The following KARS1 variants were observed in gnomAD, a reference collection of about 807,000 sequenced individuals.
The protein encoded by KARS1 is lysyl-tRNA synthetase 1, also known as lysine--tRNA ligase.
In KARS1, 50 loss-of-function variants were observed where a neutral mutation model predicts 63.9. The observed-to-expected ratio is 0.78, with a 90% CI of 0.62 to 0.99. KARS1 has a LOEUF of 0.99. Among genes scored for constraint, KARS1 ranks in the 50% least tolerant of loss-of-function variants. The pLI is 0.00. For missense variants in KARS1, 816 were observed against 754.5 expected, an observed-to-expected ratio of 1.08 and a Z score of -0.95; for synonymous variants, 320 against 264.6, an observed-to-expected ratio of 1.21 and a Z score of -2.03.
chr16:75,630,297 T>A, intron 11 of KARS1, 126 bp downstream of exon 11: 1 of 683,268 alleles, frequency 1.5e-6, no homozygotes, highest in South Asian at 1.5e-5. Flanking sequence ...AAAAGCCACT[T>A]GGGTTACCCT....
intron 7 of KARS1, among the ~76,000 whole-genome samples, chr16:75,633,193 C>T (rs2082130541): frequency 6.6e-6 from 1 of 152,196 alleles, no homozygotes; most frequent in African/African-American, 2.4e-5. Context: ...GGAGTGAGAG[C>T]TGCTCAGGGT....
intron 6 of KARS1, 125 bp downstream of exon 6, chr16:75,635,555 G>A: frequency 9.2e-7 from 1 of 1,086,106 alleles, no homozygotes; most frequent in Non-Finnish European, 1.4e-6. Flanking sequence ...GGCAAGAAAA[G>A]GGGACATTCT....
rs1042000272 is a variant in KARS1 at position 75,636,453 on chromosome 16, C to G, written c.482+1G>C. 6.3e-6 allele frequency: 10 copies of G among 1,596,204 alleles called. No individual in the cohort carries two copies. Among genetic ancestry groups the G allele is most frequent in the Non-Finnish European group, 8.6e-6 (10 of 1,163,854 alleles). ...GTCTATAACTGGGTATTTCGAGATA[C>G]CTGGAATTGGCCATGACTTGCAACT... On this transcript the variant is annotated splice_donor_variant, in intron 4 of 13. Transcript: ENST00000302445. LOFTEE classifies it high-confidence loss of function.
intron 3 of KARS1, among the ~76,000 whole-genome samples, chr16:75,637,239 G>A (rs867208878): frequency 2.0e-5 from 3 of 151,946 alleles, no homozygotes; most frequent in South Asian, 2.1e-4. Context: ...GTGGGAAGAC[G>A]TTGCCAAGGA....
Position 75,627,747 on chromosome 16 carries a change from G to T in KARS1, c.*148C>A, listed in dbSNP as rs2082066599. The stretch of plus-strand genomic sequence containing the variant: ...GCTTATTTGGTAACAGGATTAAAAA[G>T]AAATTTTTAATTCCTTGTCTCTCTT... On this transcript the variant is annotated 3_prime_UTR_variant, in exon 14 of 14. Transcript: ENST00000302445. 1.5e-6 allele frequency: 1 copy of T among 676,898 alleles called. No individual in the cohort carries two copies. Among genetic ancestry groups the T allele is most frequent in the Admixed American group, 2.3e-5 (1 of 44,442 alleles). The allele number at this position is 676,898 out of a possible 1,614,324, so 41.9% of individuals were successfully genotyped here.
At chr16:75,642,390 C>G (rs374397128) in intron 1 of KARS1, among the ~76,000 whole-genome samples, 1 of 151,716 alleles carries the variant, frequency 6.6e-6, no homozygotes, top group Non-Finnish European at 1.5e-5. Context: ...TTTAGTGAGA[C>G]GAGGTTTCAC....
In KARS1 at chr16:75,643,409, G is replaced by A. The variant is rs942639251; in HGVS notation, c.63-1686C>T. 1.0e-4 allele frequency among the ~76,000 whole-genome samples: 15 copies of A among 146,432 alleles called. No homozygotes were observed. The East Asian group carries it at 2.4e-3, about 23-fold the overall frequency. On this transcript the variant is annotated intron_variant, in intron 1 of 13. Coordinates refer to ENST00000302445, the MANE Select transcript of KARS1 (RefSeq NM_005548.3). ...TTTTTTTTTTTTGAGACAGAGTCTCGCTGTGTTGCCCAGGCTGGAGTGCAG... is the reference window on the plus strand; with the variant it reads ...TTTTTTTTTTTTGAGACAGAGTCTCACTGTGTTGCCCAGGCTGGAGTGCAG...
At chr16:75,643,678 C>A (rs60376290) in intron 1 of KARS1, among the ~76,000 whole-genome samples, 18,390 of 152,112 alleles carry the variant, frequency 0.12, 2,316 homozygotes, top group African/African-American at 0.32. Context: ...CACGCCTGGC[C>A]GAATCTTTCA....
rs1405725499 is a variant in KARS1, at chr16:75,627,810, C to G, written c.*85G>C. ...CAGAACTGCGGTGTCAAATGGAAAG[C>G]AGCACACAAGAATTCCCTTGCAGAC... On this transcript the variant is annotated 3_prime_UTR_variant, in exon 14 of 14. Coordinates refer to ENST00000302445, the MANE Select transcript of KARS1 (RefSeq NM_005548.3). 1 of 818,844 alleles carries G rather than the reference C, an allele frequency of 1.2e-6. No individual in the cohort carries two copies. Among genetic ancestry groups the G allele is most frequent in the Non-Finnish European group, 2.2e-6 (1 of 455,362 alleles). The allele number at this position is 818,844 out of a possible 1,614,324, so 50.7% of individuals were successfully genotyped here. A position where few individuals can be genotyped will look rare whatever the true frequency, so the allele number is the denominator to read the frequency against.
intron 1 of KARS1, among the ~76,000 whole-genome samples, chr16:75,642,347 T>C (rs1257809040): frequency 2.0e-5 from 3 of 151,902 alleles, no homozygotes; most frequent in Non-Finnish European, 4.4e-5. Flanking sequence ...GGATTACAGG[T>C]GTGTACCACC....
At position 75,631,868 on chromosome 16, in the gene KARS1, C is replaced by T. The variant is rs1485914432; in HGVS notation, c.916-13G>A. On this transcript the variant is annotated splice_polypyrimidine_tract_variant and intron_variant, in intron 7 of 13. Coordinates refer to ENST00000302445, the MANE Select transcript of KARS1 (RefSeq NM_005548.3). ...CAACCACAAGCATCTAACAACAACA[C>T]ATGGCCACGGTCATGACAGCTAATC... 6.2e-7 allele frequency: 1 copy of T among 1,613,748 alleles called. No individual in the cohort carries two copies. Among genetic ancestry groups the T allele is most frequent in the Admixed American group, 1.7e-5 (1 of 60,008 alleles).
chr16:75,641,663 T>C lies in KARS1; in HGVS notation c.123A>G (p.Lys41=), dbSNP rs11557668. ...KKVAEKEAKQ[K]ELSEKQLSQA... Reference sequence around the variant, plus strand: ...GGCTTAGCTGTTTCTCACTGAGCTCTTTCTGTTTGGCCTCCTTCTCTGCTA... The same window carrying C: ...GGCTTAGCTGTTTCTCACTGAGCTCCTTCTGTTTGGCCTCCTTCTCTGCTA... Residue 41 remains lysine (K), a synonymous_variant, in exon 2 of 14, where the codon AAA becomes AAG. Coordinates refer to ENST00000302445, the MANE Select transcript of KARS1 (RefSeq NM_005548.3). 1.6e-4 allele frequency: 259 copies of C among 1,613,890 alleles called. No homozygotes were observed. The highest frequency in any genetic ancestry group is 2.1e-4 in the Non-Finnish European group (247 of 1,179,996).
Position 75,634,242 on chromosome 16 carries a change from A to G in KARS1, c.846T>C (p.Pro282=). 6.2e-7 allele frequency: 1 copy of G among 1,614,082 alleles called. No individual in the cohort carries two copies. Among genetic ancestry groups the G allele is most frequent in the Non-Finnish European group, 8.5e-7 (1 of 1,179,932 alleles). Residue 282 remains proline (P), a synonymous_variant, in exon 7 of 14, where the codon CCT becomes CCC. Transcript: ENST00000302445. ...CCAGCTCGTTGTGATAAGTGATGAA[A>G]GGCTTGGCCACGGCTCCCCCTGGGA... ...NIIPGGAVAK[P]FITYHNELDM...
Position 75,641,624 on chromosome 16 carries a change from A to G in KARS1, c.162T>C (p.Ala54=), listed in dbSNP as rs761658967. 2.7e-5 allele frequency: 43 copies of G among 1,613,914 alleles called. No homozygotes were observed. The Admixed American group carries it at 7.2e-4, about 27-fold the overall frequency. ...SEKQLSQATA[A]ATNHTTDNGV... is the part of the protein sequence containing the mutation. ...CATTATCAGTGGTGTGGTTGGTGGC[A>G]GCAGCAGTGGCTTGGCTTAGCTGTT... Residue 54 remains alanine, a synonymous_variant, in exon 2 of 14, where the codon GCT becomes GCC. Coordinates refer to ENST00000302445, the MANE Select transcript of KARS1 (RefSeq NM_005548.3).
chr16:75,628,007 G>C lies in KARS1; in HGVS notation c.1696-14C>G. 1 of 1,471,904 alleles carries C rather than the reference G, an allele frequency of 6.8e-7. No individual in the cohort carries two copies. Among genetic ancestry groups the C allele is most frequent in the South Asian group, 1.1e-5 (1 of 88,228 alleles). The allele number at this position is 1,471,904 out of a possible 1,614,324, so 91.2% of individuals were successfully genotyped here. On this transcript the variant is annotated splice_polypyrimidine_tract_variant and intron_variant, in intron 13 of 13. Coordinates refer to ENST00000302445, the MANE Select transcript of KARS1 (RefSeq NM_005548.3). ...CAGAAGTACTTCCTGTGGGAGATAA[G>C]AATGTACCTTGAAGCTGAGAAGCAC...
At chr16:75,633,310 C>T (rs187144815) in intron 7 of KARS1, among the ~76,000 whole-genome samples, 205 of 152,254 alleles carry the variant, frequency 1.3e-3, no homozygotes, top group African/African-American at 4.5e-3. Context: ...ATTCATCCAT[C>T]GTTTAGGTCA....
chr16:75,644,186 C>G, intron 1 of KARS1: 2 of 1,102,352 alleles, frequency 1.8e-6, no homozygotes, highest in Non-Finnish European at 2.6e-6. Flanking sequence ...TCCTTAGCAA[C>G]AAGTCCAAAG....
At chr16:75,638,157 CACCCCTCTAGACA>C (rs2082184234) in intron 3 of KARS1, among the ~76,000 whole-genome samples, 1 of 151,610 alleles carries the variant, frequency 6.6e-6, no homozygotes, top group Non-Finnish European at 1.5e-5. Context: ...AGGAGAATAA[CACCCCTCTAGACA>C]AAATAAAAGC....
Position 75,631,212 on chromosome 16 carries a change from C to A in KARS1, c.1294G>T (p.Val432Phe). 6.2e-7 allele frequency: 1 copy of A among 1,614,130 alleles called. No individual in the cohort carries two copies. The highest frequency in any genetic ancestry group is 8.5e-7 in the Non-Finnish European group (1 of 1,179,992). Residue 432 changes from valine to phenylalanine, a missense_variant, in exon 10 of 14, where the codon GTT (valine) becomes TTT (phenylalanine). By Grantham distance (50) the Val-to-Phe change is conservative. Coordinates refer to ENST00000302445, the MANE Select transcript of KARS1 (RefSeq NM_005548.3). ...GTGGTCCGAGGTGGAGGGCATTCAA[C>A]AGCTTTTGCCACACAGATATCATCA... is the stretch of plus-strand genomic sequence containing the variant. ...ILDDICVAKA[V>F]ECPPPRTTAR...
Sources: gnomAD v4.1 joint callset for allele counts (sites outside exome capture counted in the v4.1 genomes callset) on GRCh38, gnomAD v4.1.1 for gene constraint, MANE v1.5 for transcripts, NCBI Gene and HGNC (gene_info 2026-07-23, HGNC 2026-07-21) for gene names.